IPO7: variants seen among roughly 807,000 people sequenced by gnomAD.
The protein encoded by IPO7 is importin-7.
IPO7 carries 13 observed loss-of-function variants against 136.4 expected under a neutral mutation model. That is an observed-to-expected ratio of 0.10 (90% CI 0.06 to 0.15). IPO7 has a LOEUF of 0.15. Ranked by LOEUF, IPO7 falls within the 10% of genes least tolerant of loss-of-function variation. The pLI, the probability that IPO7 is intolerant of heterozygous loss-of-function variation, is 1.00. For missense variants in IPO7, 857 were observed against 1,240.6 expected (o/e 0.69, Z 4.65); for synonymous variants, 403 against 404.4 (o/e 1.00, Z 0.04).
At chr11:9,432,266 A>G (rs1488048058) in intron 16 of IPO7, among the ~76,000 whole-genome samples, 2 of 146,990 alleles carry the variant, frequency 1.4e-5, no homozygotes, top group African/African-American at 5.1e-5. Flanking sequence ...CAGTGGCGCC[A>G]TCTTGGCTCA....
intron 2 of IPO7, 133 bp from the exon 3 acceptor site, chr11:9,408,353 G>A (rs559599073): frequency 4.8e-5 from 22 of 456,476 alleles, no homozygotes; most frequent in African/African-American, 6.1e-5. Flanking sequence ...ATAATTGAAT[G>A]TAGTATTTTG....
At chr11:9,399,002 A>G (rs1473224060) in intron 1 of IPO7, among the ~76,000 whole-genome samples, 1 of 152,200 alleles carries the variant, frequency 6.6e-6, no homozygotes, top group African/African-American at 2.4e-5. Flanking sequence ...TGGAAGGTGC[A>G]GTAGAAAGCT....
chr11:9,416,193 T>G (rs1855040212), intron 5 of IPO7, among the ~76,000 whole-genome samples: 1 of 152,156 alleles, frequency 6.6e-6, no homozygotes, highest in Non-Finnish European at 1.5e-5. Flanking sequence ...AAGAAAGATC[T>G]ATGACTTCAC....
intron 4 of IPO7, among the ~76,000 whole-genome samples, chr11:9,413,932 C>A (rs1415805203): frequency 2.6e-5 from 4 of 151,674 alleles, no homozygotes; most frequent in African/African-American, 9.7e-5. Flanking sequence ...ATTCCAGTTG[C>A]CTAGGTTCAT....
chr11:9,411,411 A>G (rs981301187), intron 4 of IPO7, among the ~76,000 whole-genome samples: 40 of 152,228 alleles, frequency 2.6e-4, no homozygotes, highest in Non-Finnish European at 5.3e-4. Flanking sequence ...CAAAGAACAT[A>G]TGAAGAGGAA....
intron 1 of IPO7, among the ~76,000 whole-genome samples, chr11:9,389,617 A>G (rs1165390006): frequency 1.3e-5 from 2 of 152,212 alleles, no homozygotes; most frequent in Non-Finnish European, 2.9e-5. Context: ...TAAGGTGGAT[A>G]TGATCTCCGC....
intron 1 of IPO7, among the ~76,000 whole-genome samples, chr11:9,388,128 CAA>C (rs1854577958): frequency 6.6e-6 from 1 of 151,474 alleles, no homozygotes; most frequent in Non-Finnish European, 1.5e-5. Context: ...GCCTGAGCAA[CAA>C]GAGCGAAACT....
At chr11:9,427,481 A>G (rs1372693663) in intron 12 of IPO7, among the ~76,000 whole-genome samples, 1 of 152,156 alleles carries the variant, frequency 6.6e-6, no homozygotes, top group Non-Finnish European at 1.5e-5. Context: ...GCTGGTCTCG[A>G]ACTCCTGACC....
rs890935810 is a variant in IPO7 at position 9,428,410 on chromosome 11, T to G, written c.1336-130T>G. 8 of 468,774 alleles carry G rather than the reference T, an allele frequency of 1.7e-5. No homozygotes were observed. The Admixed American group carries it at 2.2e-4, about 13-fold the overall frequency. 29.0% of individuals were successfully genotyped at this position (468,774 alleles called of 1,614,324 possible). On this transcript the variant is annotated intron_variant, in intron 12 of 24. Coordinates refer to ENST00000379719, the MANE Select transcript of IPO7 (RefSeq NM_006391.3). ...TGGAATACGAAAATTGGTTGTGGAT[T>G]CTGGGGTTCAAAGAATGAGAATAAA... is the stretch of plus-strand genomic sequence containing the variant.
In IPO7 at chr11:9,410,061, C is replaced by A. The variant is rs1333480314; in HGVS notation, c.454C>A (p.Leu152Ile). 1 of 1,594,086 alleles carries A rather than the reference C, an allele frequency of 6.3e-7. No individual in the cohort carries two copies. The highest frequency in any genetic ancestry group is 1.8e-5 in the Admixed American group (1 of 55,150). The change falls in exon 4 of 25, where the codon CTT becomes ATT. Residue 152 changes from leucine (L) to isoleucine (I), a missense_variant. This residue lies in a region of IPO7 where 287 missense variants were observed against 307.5 expected (regional missense o/e 0.93). Transcript: ENST00000379719. ...SACWLGILLCLYQLVKNYEYK... is the reference protein window; with the variant it reads ...SACWLGILLCIYQLVKNYEYK... ...TTGTTGGCTAGGAATTCTTCTTTGC[C>A]TTTATCAGCTTGTGAAAAATTATGA...
chr11:9,404,484 A>G, intron 2 of IPO7, among the ~76,000 whole-genome samples: 1 of 151,752 alleles, frequency 6.6e-6, no homozygotes, highest in East Asian at 1.9e-4. Flanking sequence ...AATAAAAAAT[A>G]AAAAAAAATT....
chr11:9,430,157 G>A (rs77951189), intron 15 of IPO7, among the ~76,000 whole-genome samples: 1 of 152,090 alleles, frequency 6.6e-6, no homozygotes, highest in Non-Finnish European at 1.5e-5. Flanking sequence ...CTTATCTACT[G>A]CTCCTAACAG....
intron 18 of IPO7, among the ~76,000 whole-genome samples, chr11:9,434,291 C>T (rs1381423731): frequency 2.6e-5 from 4 of 152,130 alleles, no homozygotes; most frequent in Non-Finnish European, 5.9e-5. Flanking sequence ...AGTTAATGCT[C>T]TCAGTGGTGA....
chr11:9,403,295 C>G lies in IPO7; in HGVS notation c.90C>G (p.His30Gln). ...TGGACTTTTTTTCTTTGTAGGCACA[C>G]AAGTCTCTGAATTTTGTCTCAACAC... ...EAAERQLNEA[H>Q]KSLNFVSTLL... Residue 30 changes from histidine (H) to glutamine (Q), a missense_variant, in exon 2 of 25, where the codon CAC becomes CAG. By Grantham distance (24) the His-to-Gln change is conservative. This residue lies in a region of IPO7 where 49 missense variants were observed against 59.9 expected (regional missense o/e 0.82). Transcript: ENST00000379719. The G allele has an allele frequency of 6.2e-7, 1 of 1,611,114 alleles. No individual in the cohort carries two copies. Among genetic ancestry groups the G allele is most frequent in the Non-Finnish European group, 8.5e-7 (1 of 1,177,638 alleles).
intron 15 of IPO7, chr11:9,430,544 T>C (rs905658542): frequency 1.0e-5 from 2 of 198,180 alleles, no homozygotes; most frequent in African/African-American, 2.3e-5. Flanking sequence ...ATTTGGACAT[T>C]GTCAAGTGTT....
At chr11:9,396,089 A>G (rs1854704149) in intron 1 of IPO7, among the ~76,000 whole-genome samples, 1 of 151,912 alleles carries the variant, frequency 6.6e-6, no homozygotes, top group Non-Finnish European at 1.5e-5. Context: ...TGAAGGTAAT[A>G]AGGTTAATAA....
chr11:9,426,058 T>TA (rs1293828818), intron 12 of IPO7, among the ~76,000 whole-genome samples: 6 of 151,142 alleles, frequency 4.0e-5, no homozygotes, highest in African/African-American at 1.5e-4. Flanking sequence ...CAAAAAAAAA[T>TA]AAAAAAATAA....
At chr11:9,405,970 C>G in intron 2 of IPO7, among the ~76,000 whole-genome samples, 1 of 151,792 alleles carries the variant, frequency 6.6e-6, no homozygotes, top group East Asian at 1.9e-4. Flanking sequence ...CTCATTGAAT[C>G]TTCAAACTTC....
Position 9,429,665 on chromosome 11 carries a change from C to T in IPO7, c.1592-9C>T, listed in dbSNP as rs968556874. The T allele has an allele frequency of 8.8e-6, 14 of 1,593,890 alleles. No individual in the cohort carries two copies. The highest frequency in any genetic ancestry group is 4.5e-4 in the Middle Eastern group (2 of 4,422). On this transcript the variant is annotated splice_polypyrimidine_tract_variant and intron_variant, in intron 14 of 24. Coordinates refer to ENST00000379719, the MANE Select transcript of IPO7 (RefSeq NM_006391.3). The stretch of plus-strand genomic sequence containing the variant: ...GTTTTACGCAAGTTTTTTACTCTTT[C>T]TCTTACAGCTAAAGAATATATCACA...
Sources: gnomAD v4.1 joint callset for allele counts (sites outside exome capture counted in the v4.1 genomes callset) on GRCh38, gnomAD v4.1.1 for gene constraint, gnomAD v4.1.1 regional missense constraint, MANE v1.5 for transcripts, NCBI Gene and HGNC (gene_info 2026-07-23, HGNC 2026-07-21) for gene names.